The following RALYL variants were observed in gnomAD, a reference collection of about 807,000 sequenced individuals.
RALYL encodes RALY RNA binding protein like, also known as RNA-binding Raly-like protein.
In RALYL, 29 loss-of-function variants were observed where a neutral mutation model predicts 35.1. The observed-to-expected ratio is 0.83, with a 90% CI of 0.61 to 1.13. RALYL has a LOEUF of 1.13. Among genes scored for constraint, RALYL ranks in the 50% most tolerant of loss-of-function variants. The pLI is 0.00. For missense variants in RALYL, 359 were observed against 360.4 expected (o/e 1.00, Z 0.03); for synonymous variants, 120 against 127.6 (o/e 0.94, Z 0.40).
chr8:84,423,408 C>G (rs1023356104), intron 1 of RALYL, among the ~76,000 whole-genome samples: 2 of 151,134 alleles, frequency 1.3e-5, no homozygotes, highest in Non-Finnish European at 2.9e-5. Context: ...CTTGGTAGAT[C>G]TTCCTCCATC....
At chr8:84,249,305 C>T (rs1829730782) in intron 1 of RALYL, among the ~76,000 whole-genome samples, 1 of 152,046 alleles carries the variant, frequency 6.6e-6, no homozygotes. Flanking sequence ...GCACAGTCAG[C>T]TAACCTGTTA....
intron 3 of RALYL, among the ~76,000 whole-genome samples, chr8:84,790,006 C>T (rs1394766512): frequency 6.6e-6 from 1 of 152,086 alleles, no homozygotes; most frequent in East Asian, 1.9e-4. Flanking sequence ...AAATGTAATG[C>T]TAATGAAATA....
chr8:84,717,358 A>G (rs1312073016), intron 2 of RALYL, among the ~76,000 whole-genome samples: 1 of 152,216 alleles, frequency 6.6e-6, no homozygotes, highest in Non-Finnish European at 1.5e-5. Flanking sequence ...CATCTAACAT[A>G]GTCATTTGTT....
At chr8:84,410,775 T>C (rs1228063665) in intron 1 of RALYL, among the ~76,000 whole-genome samples, 1 of 151,738 alleles carries the variant, frequency 6.6e-6, no homozygotes, top group Non-Finnish European at 1.5e-5. Context: ...ATCACTGTTA[T>C]TTTCTTACCT....
chr8:84,810,119 T>TA (rs1430001156), intron 4 of RALYL, among the ~76,000 whole-genome samples: 4 of 152,180 alleles, frequency 2.6e-5, no homozygotes, highest in Non-Finnish European at 5.9e-5. Context: ...TGTAGGCATT[T>TA]AGGGCTATGA....
chr8:84,900,932 CTG>C lies in RALYL; in HGVS notation c.858+13157_858+13158del, dbSNP rs1371555860. ...AAACAGGCAGGAGAGATTTTAAGCA[CTG>C]GGGTAACTAGTGGAAAAGTACTGGA... is the stretch of plus-strand genomic sequence containing the variant. On this transcript the variant is annotated intron_variant, in intron 8 of 8. Transcript: ENST00000521268. 1.1e-4 allele frequency among the ~76,000 whole-genome samples: 17 copies of C among 152,078 alleles called. No homozygotes were observed. The East Asian group carries it at 3.3e-3, about 29-fold the overall frequency.
At chr8:84,468,652 G>T (rs1259780181) in intron 1 of RALYL, among the ~76,000 whole-genome samples, 1 of 148,182 alleles carries the variant, frequency 6.7e-6, no homozygotes, top group Non-Finnish European at 1.5e-5. Flanking sequence ...GAGTATCTTT[G>T]TGGCGTTCTC....
chr8:84,679,111 G>C (rs1316128975), intron 2 of RALYL: 1 of 232,856 alleles, frequency 4.3e-6, no homozygotes, highest in Non-Finnish European at 8.9e-6. Context: ...AGTAAATGCT[G>C]ATTCTGAGAA....
At chr8:84,209,712 G>A (rs1818986389) in intron 1 of RALYL, among the ~76,000 whole-genome samples, 1 of 152,150 alleles carries the variant, frequency 6.6e-6, no homozygotes, top group Non-Finnish European at 1.5e-5. Context: ...TTGTTTTACA[G>A]TGCTATCAGG....
intron 2 of RALYL, among the ~76,000 whole-genome samples, chr8:84,594,816 C>A (rs1814101521): frequency 6.6e-6 from 1 of 151,956 alleles, no homozygotes; most frequent in African/African-American, 2.4e-5. Context: ...AATATTTTAA[C>A]CAGAGAAGTC....
chr8:84,683,185 G>C (rs1474302772), intron 2 of RALYL, among the ~76,000 whole-genome samples: 1 of 152,176 alleles, frequency 6.6e-6, no homozygotes, highest in Non-Finnish European at 1.5e-5. Context: ...GTTCTAGTTT[G>C]ATTGCACTGT....
At chr8:84,389,982 G>C (rs918877070) in intron 1 of RALYL, among the ~76,000 whole-genome samples, 2 of 151,842 alleles carry the variant, frequency 1.3e-5, no homozygotes, top group African/African-American at 4.8e-5. Flanking sequence ...CTGTGGGTTT[G>C]TCATAGATAG....
intron 7 of RALYL, among the ~76,000 whole-genome samples, chr8:84,878,606 G>A (rs75663195): frequency 9.0e-5 from 13 of 144,572 alleles, no homozygotes; most frequent in South Asian, 2.1e-4. Context: ...ACTTCAAAAA[G>A]AAAAAAAAAA....
At chr8:84,392,025 TTGAG>T (rs1860813303) in intron 1 of RALYL, among the ~76,000 whole-genome samples, 1 of 152,024 alleles carries the variant, frequency 6.6e-6, no homozygotes, top group African/African-American at 2.4e-5. Flanking sequence ...AGCGGGCTGA[TTGAG>T]TGAGAGTTGA....
intron 3 of RALYL, among the ~76,000 whole-genome samples, chr8:84,780,263 G>A (rs939849750): frequency 6.6e-5 from 10 of 152,112 alleles, no homozygotes; most frequent in African/African-American, 1.9e-4. Flanking sequence ...ACTGACACAA[G>A]CCCAAACACT....
chr8:84,658,332 T>A (rs983037069), intron 2 of RALYL, among the ~76,000 whole-genome samples: 3 of 152,350 alleles, frequency 2.0e-5, no homozygotes, highest in East Asian at 3.9e-4. Flanking sequence ...TTACACTTCC[T>A]GGCCTCTCAG....
intron 2 of RALYL, among the ~76,000 whole-genome samples, chr8:84,715,469 A>G (rs1842825012): frequency 6.6e-6 from 1 of 152,028 alleles, no homozygotes; most frequent in African/African-American, 2.4e-5. Context: ...AATCTAATAA[A>G]TTAACTTTAA....
chr8:84,392,558 A>G (rs2131818572), intron 1 of RALYL, among the ~76,000 whole-genome samples: 1 of 152,198 alleles, frequency 6.6e-6, no homozygotes, highest in Non-Finnish European at 1.5e-5. Flanking sequence ...GGAATTTTAG[A>G]AAGTATTAAG....
chr8:84,195,642 C>A (rs1259868237), intron 1 of RALYL, among the ~76,000 whole-genome samples: 3 of 152,104 alleles, frequency 2.0e-5, no homozygotes, highest in East Asian at 1.9e-4. Context: ...TTCTTTCTCC[C>A]CTTTCTAGTG....
Sources: allele counts gnomAD v4.1 joint callset (sites outside exome capture counted in the v4.1 genomes callset), GRCh38; gene constraint gnomAD v4.1.1; transcripts MANE v1.5; gene names NCBI Gene and HGNC (gene_info 2026-07-23, HGNC 2026-07-21).